Variants in SPIN1 observed in about 807,000 individuals in gnomAD.
SPIN1 encodes the protein spindlin 1.
SPIN1 carries 3 observed loss-of-function variants against 26.0 expected under a neutral mutation model. That is an observed-to-expected ratio of 0.12 (90% CI 0.05 to 0.30). The LOEUF (loss-of-function observed/expected upper bound fraction) is 0.30. Among genes scored for constraint, SPIN1 ranks in the 10% least tolerant of loss-of-function variants. The pLI is 1.00. For synonymous variants in SPIN1, 101 were observed against 116.5 expected, an observed-to-expected ratio of 0.87 and a Z score of 0.86; for missense variants, 126 against 333.4, an observed-to-expected ratio of 0.38 and a Z score of 4.84.
intron 2 of SPIN1, among the ~76,000 whole-genome samples, chr9:88,437,668 T>A (rs1473239352): frequency 1.3e-5 from 2 of 152,322 alleles, no homozygotes; most frequent in East Asian, 3.9e-4. Flanking sequence ...CAAACTGTCT[T>A]CCAAAGCGGC....
intron 3 of SPIN1, among the ~76,000 whole-genome samples, chr9:88,449,866 T>A (rs1388682115): frequency 6.6e-6 from 1 of 152,122 alleles, no homozygotes; most frequent in Non-Finnish European, 1.5e-5. Context: ...ATATTGAAAG[T>A]GTATGCCCCT....
chr9:88,410,622 A>C, intron 1 of SPIN1: 1 of 1,016,192 alleles, frequency 9.8e-7, no homozygotes, highest in Non-Finnish European at 1.5e-6. Flanking sequence ...ATTGGCCTCC[A>C]CCACCATAGG....
At position 88,398,410 on chromosome 9, in the gene SPIN1, ATTAC is replaced by A. The variant is rs1684896853; in HGVS notation, c.-159+9875_-159+9878del. Among the ~76,000 whole-genome samples, 5 of 152,072 alleles carry A rather than the reference ATTAC, an allele frequency of 3.3e-5. No homozygotes were observed. In the South Asian group the frequency reaches 1.0e-3, roughly 32 times the overall value. On this transcript the variant is annotated intron_variant, in intron 1 of 5. Transcript: ENST00000375859. The stretch of plus-strand genomic sequence containing the variant: ...AGAACCATTCCTGTTTTTGCCTGTA[ATTAC>A]TTTTCTGGTATCTAGCTCAGTGTCT...
rs34100420 is a variant in SPIN1, at chr9:88,406,292, A to AT, written c.-159+17770dup. 1.9e-3 allele frequency among the ~76,000 whole-genome samples: 252 copies of AT among 135,426 alleles called. 1 individual carries two copies. The highest frequency in any genetic ancestry group is 3.7e-3 in the Middle Eastern group (1 of 272). 88.8% of individuals were successfully genotyped at this position (135,426 alleles called of 152,430 possible). ...TTTCTTGCCAACAGTATATACTAGAATTTTTTTTTTTTTTTTGAGTTGGAG... is the reference window on the plus strand; with the variant it reads ...TTTCTTGCCAACAGTATATACTAGAATTTTTTTTTTTTTTTTTGAGTTGGAG... On this transcript the variant is annotated intron_variant, in intron 1 of 5. Transcript: ENST00000375859.
At chr9:88,427,790 G>T (rs889896367) in intron 2 of SPIN1, among the ~76,000 whole-genome samples, 1 of 151,906 alleles carries the variant, frequency 6.6e-6, no homozygotes, top group African/African-American at 2.4e-5. Flanking sequence ...GTAGAGATGG[G>T]GTTTTGCCAT....
At chr9:88,420,310 G>C (rs893045519) in intron 1 of SPIN1, among the ~76,000 whole-genome samples, 61 of 152,248 alleles carry the variant, frequency 4.0e-4, no homozygotes, top group African/African-American at 1.3e-3. Flanking sequence ...GGGAGGCGGA[G>C]GTTGCAGTGA....
At chr9:88,435,828 C>G (rs986870541) in intron 2 of SPIN1, among the ~76,000 whole-genome samples, 2 of 152,144 alleles carry the variant, frequency 1.3e-5, no homozygotes, top group African/African-American at 2.4e-5. Flanking sequence ...CAGCCTATAT[C>G]ACATAAGTCT....
At chr9:88,463,240 G>A (rs1828605766) in intron 4 of SPIN1, among the ~76,000 whole-genome samples, 1 of 152,172 alleles carries the variant, frequency 6.6e-6, no homozygotes, top group Non-Finnish European at 1.5e-5. Context: ...AACAATGTTT[G>A]TGGAAATGAA....
chr9:88,398,546 A>C (rs1185324615), intron 1 of SPIN1, among the ~76,000 whole-genome samples: 1 of 152,012 alleles, frequency 6.6e-6, no homozygotes, highest in Non-Finnish European at 1.5e-5. Context: ...TGTTTGTCAT[A>C]CAGTGATTAT....
intron 4 of SPIN1, among the ~76,000 whole-genome samples, chr9:88,467,973 C>CTAT (rs1290174593): frequency 6.6e-6 from 1 of 152,050 alleles, no homozygotes; most frequent in Admixed American, 6.6e-5. Context: ...AGGAACTCTA[C>CTAT]TATTTTTCCA....
intron 1 of SPIN1, among the ~76,000 whole-genome samples, chr9:88,401,103 T>C (rs1478554571): frequency 6.6e-6 from 1 of 152,222 alleles, no homozygotes; most frequent in Non-Finnish European, 1.5e-5. Context: ...AGGACCTTTT[T>C]GGAGGATGGC....
chr9:88,407,696 ATT>A (rs529848405), intron 1 of SPIN1, among the ~76,000 whole-genome samples: 2 of 139,202 alleles, frequency 1.4e-5, no homozygotes, highest in African/African-American at 2.6e-5. Flanking sequence ...TTCAGTTTTC[ATT>A]TTTTTTTTTT....
At chr9:88,459,588 A>G (rs1828537401) in intron 3 of SPIN1, among the ~76,000 whole-genome samples, 2 of 152,000 alleles carry the variant, frequency 1.3e-5, no homozygotes, top group Admixed American at 1.3e-4. Flanking sequence ...TCTGCTTTGC[A>G]TATTCTTTTC....
At chr9:88,451,305 G>A (rs569984052) in intron 3 of SPIN1, among the ~76,000 whole-genome samples, 4 of 152,284 alleles carry the variant, frequency 2.6e-5, no homozygotes, top group Admixed American at 2.6e-4. Context: ...AAAAGTCACA[G>A]AACTGCACTG....
At chr9:88,428,156 A>G (rs1236663866) in intron 2 of SPIN1, among the ~76,000 whole-genome samples, 1 of 152,212 alleles carries the variant, frequency 6.6e-6, no homozygotes, top group East Asian at 1.9e-4. Context: ...ACAGCATTCC[A>G]AATTCAACAT....
chr9:88,469,796 A>G (rs915365767), intron 5 of SPIN1, among the ~76,000 whole-genome samples: 17 of 152,160 alleles, frequency 1.1e-4, no homozygotes, highest in African/African-American at 4.1e-4. Context: ...GCCTCCCACA[A>G]GTGTTAGGAT....
At chr9:88,428,624 A>C (rs1468625777) in intron 2 of SPIN1, among the ~76,000 whole-genome samples, 1 of 152,198 alleles carries the variant, frequency 6.6e-6, no homozygotes, top group Non-Finnish European at 1.5e-5. Flanking sequence ...TAAGTAACTG[A>C]AGGAACTAAA....
chr9:88,444,470 C>T (rs1222674347), intron 2 of SPIN1, among the ~76,000 whole-genome samples: 1 of 151,858 alleles, frequency 6.6e-6, no homozygotes, highest in East Asian at 1.9e-4. Context: ...GTCTCGATCT[C>T]CTGACCCCGT....
intron 1 of SPIN1, among the ~76,000 whole-genome samples, chr9:88,392,837 C>G (rs886541619): frequency 6.6e-6 from 1 of 152,142 alleles, no homozygotes; most frequent in African/African-American, 2.4e-5. Flanking sequence ...GCCTACACCA[C>G]CTGTAGTTTC....
Sources: gnomAD v4.1 joint callset for allele counts (sites outside exome capture counted in the v4.1 genomes callset) on GRCh38, gnomAD v4.1.1 for gene constraint, MANE v1.5 for transcripts, NCBI Gene and HGNC (gene_info 2026-07-23, HGNC 2026-07-21) for gene names.